GSE1: variants seen among roughly 807,000 people sequenced by gnomAD.
GSE1 encodes Gse1 coiled-coil protein, also known as genetic suppressor element 1.
GSE1 carries 32 observed loss-of-function variants against 112.6 expected under a neutral mutation model. That is an observed-to-expected ratio of 0.28 (90% CI 0.21 to 0.38). The LOEUF (loss-of-function observed/expected upper bound fraction) is 0.38, where lower values mean the gene tolerates loss of function less well. Ranked by LOEUF, GSE1 falls within the 10% of genes least tolerant of loss-of-function variation. The pLI, the probability that GSE1 is intolerant of heterozygous loss-of-function variation, is 1.00. For missense variants in GSE1, 2,348 were observed against 1,699.2 expected (o/e 1.38, Z -6.71); for synonymous variants, 1,115 against 735.6 (o/e 1.52, Z -8.35).
At chr16:85,664,770 C>T (rs765740377) in intron 11 of GSE1, 8 of 431,040 alleles carry the variant, frequency 1.9e-5, no homozygotes, top group East Asian at 1.6e-4. Context: ...ACAGAGGCGT[C>T]GTCACCGCAC....
At chr16:85,639,701 T>A (rs1359337840) in intron 2 of GSE1, among the ~76,000 whole-genome samples, 2 of 152,228 alleles carry the variant, frequency 1.3e-5, no homozygotes, top group Non-Finnish European at 2.9e-5. Flanking sequence ...GTGACAGCTG[T>A]CGGGCCTGCC....
At chr16:85,597,827 G>C (rs1479669310) in intron 1 of GSE1, among the ~76,000 whole-genome samples, 1 of 152,204 alleles carries the variant, frequency 6.6e-6, no homozygotes, top group Admixed American at 6.5e-5. Context: ...TCTCAGGTTA[G>C]ATCTTTTTGC....
chr16:85,558,927 G>A (rs532339842), intron 1 of GSE1, among the ~76,000 whole-genome samples: 1 of 151,768 alleles, frequency 6.6e-6, no homozygotes, highest in East Asian at 1.9e-4. Flanking sequence ...GTGTGATCTC[G>A]GCTCACTGCA....
intron 1 of GSE1, among the ~76,000 whole-genome samples, chr16:85,615,817 A>G (rs2048334289): frequency 6.6e-6 from 1 of 152,238 alleles, no homozygotes; most frequent in African/African-American, 2.4e-5. Context: ...GTTAAGCCAC[A>G]GCCTCTGGGT....
intron 1 of GSE1, among the ~76,000 whole-genome samples, chr16:85,577,955 C>T (rs949583107): frequency 1.3e-5 from 2 of 152,254 alleles, no homozygotes; most frequent in African/African-American, 4.8e-5. Flanking sequence ...TGCTGCTGTG[C>T]GCTGTGTGGC....
intron 13 of GSE1, among the ~76,000 whole-genome samples, chr16:85,667,265 A>G (rs2052941508): frequency 6.6e-6 from 1 of 152,086 alleles, no homozygotes; most frequent in South Asian, 2.1e-4. Flanking sequence ...CTTACACTAA[A>G]CTGTTTCCTC....
At chr16:85,547,502 A>G (rs1014273310) in intron 2 of GSE1, among the ~76,000 whole-genome samples, 10 of 152,154 alleles carry the variant, frequency 6.6e-5, no homozygotes, top group Admixed American at 6.5e-4. Context: ...TTTAAAAAAC[A>G]TGTTTTTGGG....
chr16:85,553,124 C>A (rs1013120667), upstream of GSE1, among the ~76,000 whole-genome samples: 1 of 151,666 alleles, frequency 6.6e-6, no homozygotes, highest in Non-Finnish European at 1.5e-5. Context: ...GTCTAACCCG[C>A]GCTCTGGCCG....
At chr16:85,332,199 C>T (rs183550891) in intron 1 of GSE1, among the ~76,000 whole-genome samples, 4 of 152,236 alleles carry the variant, frequency 2.6e-5, no homozygotes, top group Admixed American at 6.5e-5. Flanking sequence ...AGCACAACAC[C>T]GCTGCTGTCT....
At chr16:85,527,890 T>C (rs2052414424) in intron 2 of GSE1, among the ~76,000 whole-genome samples, 1 of 152,194 alleles carries the variant, frequency 6.6e-6, no homozygotes. Context: ...CTCACTGGGT[T>C]TTAAAGGACG....
At chr16:85,441,363 CAG>C (rs1319026631) in intron 2 of GSE1, among the ~76,000 whole-genome samples, 4 of 152,162 alleles carry the variant, frequency 2.6e-5, no homozygotes, top group Non-Finnish European at 4.4e-5. Flanking sequence ...ACTCACAAAA[CAG>C]GGGACGTGGT....
chr16:85,424,891 T>C (rs1228689427), intron 2 of GSE1, among the ~76,000 whole-genome samples: 1 of 152,266 alleles, frequency 6.6e-6, no homozygotes, highest in East Asian at 1.9e-4. Flanking sequence ...CACGAAGTCA[T>C]ACATATGGAA....
chr16:85,210,566 G>T (rs988137897), intron 1 of GSE1, among the ~76,000 whole-genome samples: 6 of 152,100 alleles, frequency 3.9e-5, no homozygotes, highest in African/African-American at 1.4e-4. Flanking sequence ...TCCAGCCTGG[G>T]CAACAGAGTG....
chr16:85,623,111 C>T (rs995938226), intron 1 of GSE1, among the ~76,000 whole-genome samples: 4 of 152,072 alleles, frequency 2.6e-5, no homozygotes, highest in African/African-American at 9.7e-5. Flanking sequence ...TTGAAGCCTC[C>T]TATTTTAAGA....
At chr16:85,237,421 G>A (rs1474832274) in intron 1 of GSE1, among the ~76,000 whole-genome samples, 6 of 152,188 alleles carry the variant, frequency 3.9e-5, no homozygotes, top group Non-Finnish European at 5.9e-5. Flanking sequence ...CCCGCTGCAG[G>A]GGACTGTTCA....
chr16:85,186,827 GGAT>G (rs1198373219), intron 1 of GSE1, among the ~76,000 whole-genome samples: 2 of 152,168 alleles, frequency 1.3e-5, no homozygotes, highest in African/African-American at 2.4e-5. Context: ...AATACAGTAA[GGAT>G]GATGATGATG....
chr16:85,250,591 A>G (rs181534899), intron 1 of GSE1, among the ~76,000 whole-genome samples: 179 of 152,338 alleles, frequency 1.2e-3, no homozygotes, highest in African/African-American at 4.1e-3. Flanking sequence ...TTTGTATTTC[A>G]AAAATACCCC....
intron 1 of GSE1, among the ~76,000 whole-genome samples, chr16:85,627,119 A>G (rs1304507515): frequency 3.9e-5 from 4 of 102,678 alleles, no homozygotes; most frequent in Non-Finnish European, 7.0e-5. Context: ...ACCTAGCCAG[A>G]GAATAGGAGA....
intron 2 of GSE1, among the ~76,000 whole-genome samples, chr16:85,385,242 G>A (rs1283319221): frequency 6.6e-6 from 1 of 152,236 alleles, no homozygotes; most frequent in African/African-American, 2.4e-5. Flanking sequence ...GGGGCAGGAG[G>A]CTGGGAGGAG....
Sources: allele counts gnomAD v4.1 joint callset (sites outside exome capture counted in the v4.1 genomes callset), GRCh38; gene constraint gnomAD v4.1.1; transcripts MANE v1.5; gene names NCBI Gene and HGNC (gene_info 2026-07-23, HGNC 2026-07-21).